PAFAH1B2: variants seen among roughly 807,000 people sequenced by gnomAD.
The protein encoded by PAFAH1B2 is platelet activating factor acetylhydrolase 1b catalytic subunit 2.
PAFAH1B2 carries 8 observed loss-of-function variants against 28.0 expected under a neutral mutation model. The observed-to-expected ratio is 0.29, with a 90% CI of 0.17 to 0.52. The LOEUF (loss-of-function observed/expected upper bound fraction) is 0.52, where lower values mean the gene tolerates loss of function less well. PAFAH1B2 is among the 20% of genes least tolerant of loss of function. PAFAH1B2 has a pLI of 0.97. For synonymous variants in PAFAH1B2, 104 were observed against 103.2 expected, an observed-to-expected ratio of 1.01 and a Z score of -0.05; for missense variants, 190 against 282.6, an observed-to-expected ratio of 0.67 and a Z score of 2.35.
chr11:117,159,900 A>G, intron 2 of PAFAH1B2, 34 bp from the exon 3 acceptor site: 2 of 1,457,114 alleles, frequency 1.4e-6, no homozygotes, highest in Non-Finnish European at 1.9e-6. Context: ...CAGAAGTGCC[A>G]GTTAATAATT....
In PAFAH1B2 at chr11:117,161,407, T is replaced by C. The variant is rs970086796; in HGVS notation, c.288+146T>C. On this transcript the variant is annotated intron_variant, in intron 4 of 5. Coordinates refer to ENST00000527958, the MANE Select transcript of PAFAH1B2 (RefSeq NM_002572.4). ...CTCTTTAAGGTAAATGATACTGTCA[T>C]TGCTTGAGAATATGCCAAAATATAT... is the stretch of plus-strand genomic sequence containing the variant. 3 of 524,730 alleles carry C rather than the reference T, an allele frequency of 5.7e-6. No individual in the cohort carries two copies. The African/African-American group carries it at 6.0e-5, about 10-fold the overall frequency. 32.5% of individuals were successfully genotyped at this position (524,730 alleles called of 1,614,324 possible).
chr11:117,172,384 ATATATATATATATATATATATTTTTTTT>A (rs1956683286), downstream of PAFAH1B2, among the ~76,000 whole-genome samples: 1 of 1,960 alleles, frequency 5.1e-4, no homozygotes, highest in South Asian at 0.017. Flanking sequence ...ATATATATAT[ATATATATATATATATATATATTTTTTTT>A]TTTTTTTTTT....
intron 1 of PAFAH1B2, among the ~76,000 whole-genome samples, chr11:117,150,521 G>T (rs1956125343): frequency 6.6e-6 from 1 of 150,986 alleles, no homozygotes; most frequent in African/African-American, 2.4e-5. Flanking sequence ...TAATTTGTTT[G>T]CATAATTAGT....
intron 1 of PAFAH1B2, among the ~76,000 whole-genome samples, chr11:117,149,354 A>G (rs1233516333): frequency 6.6e-6 from 1 of 151,150 alleles, no homozygotes; most frequent in Non-Finnish European, 1.5e-5. Context: ...AAGTGCTGAG[A>G]TTATAAGTGT....
chr11:117,174,205 T>TGTGTGTGG (rs1491369777), downstream of PAFAH1B2, among the ~76,000 whole-genome samples: 1 of 147,456 alleles, frequency 6.8e-6, no homozygotes, highest in Non-Finnish European at 1.5e-5. Flanking sequence ...TGTGTGTGTG[T>TGTGTGTGG]GGCAGTTTCA....
chr11:117,173,357 A>G (rs1042847273), downstream of PAFAH1B2, among the ~76,000 whole-genome samples: 4 of 152,224 alleles, frequency 2.6e-5, no homozygotes, highest in Admixed American at 6.5e-5. Flanking sequence ...TTTAGACAGT[A>G]GGATGGTGAA....
At chr11:117,150,526 ATTAGTG>A (rs1266784623) in intron 1 of PAFAH1B2, among the ~76,000 whole-genome samples, 3 of 152,028 alleles carry the variant, frequency 2.0e-5, no homozygotes, top group South Asian at 2.1e-4. Context: ...TGTTTGCATA[ATTAGTG>A]TTAGTATTAT....
chr11:117,174,704 C>T (rs1295463668), downstream of PAFAH1B2, among the ~76,000 whole-genome samples: 1 of 152,148 alleles, frequency 6.6e-6, no homozygotes, highest in Non-Finnish European at 1.5e-5. Context: ...GCTCGAATTC[C>T]TGATCTCAGG....
At chr11:117,151,233 CTT>C (rs11449159) in intron 1 of PAFAH1B2, among the ~76,000 whole-genome samples, 5 of 133,954 alleles carry the variant, frequency 3.7e-5, no homozygotes, top group Non-Finnish European at 6.2e-5. Context: ...TTTTCTTTTT[CTT>C]TTTTTTTTTT....
downstream of PAFAH1B2, among the ~76,000 whole-genome samples, chr11:117,173,727 G>T (rs553756596): frequency 6.6e-6 from 1 of 152,298 alleles, no homozygotes; most frequent in Admixed American, 6.5e-5. Flanking sequence ...ATTAAATCCT[G>T]TGTCTTTAAC....
chr11:117,167,565 A>G lies in PAFAH1B2; in HGVS notation c.556A>G (p.Ile186Val), dbSNP rs1956541189. Reference protein sequence around the residue: ...DGGFVHSDGAISCHDMFDFLH... With the variant: ...DGGFVHSDGAVSCHDMFDFLH... ...GGGTTTTGTGCACTCGGACGGTGCC[A>G]TCTCCTGCCACGACATGTTTGATTT... The change falls in exon 6 of 6, where the codon ATC (isoleucine) becomes GTC (valine). Residue 186 changes from isoleucine to valine, a missense_variant. Transcript: ENST00000527958. 3 of 1,612,960 alleles carry G rather than the reference A, an allele frequency of 1.9e-6. No homozygotes were observed. The highest frequency in any genetic ancestry group is 1.3e-5 in the African/African-American group (1 of 75,024).
At chr11:117,172,388 ATATATATATATATATAT>A (rs1956685747), downstream of PAFAH1B2, among the ~76,000 whole-genome samples, 9 of 1,840 alleles carry the variant, frequency 4.9e-3, no homozygotes, top group African/African-American at 0.016. Context: ...ATATATATAT[ATATATATATATATATAT>A]TTTTTTTTTT....
At chr11:117,144,742 C>CACCCCGCCCT (rs1555026668) in intron 1 of PAFAH1B2, among the ~76,000 whole-genome samples, 1 of 143,114 alleles carries the variant, frequency 7.0e-6, no homozygotes, top group African/African-American at 2.5e-5. Flanking sequence ...GCGGGCGCCC[C>CACCCCGCCCT]GCCCCGCCCT....
intron 2 of PAFAH1B2, among the ~76,000 whole-genome samples, chr11:117,154,981 G>A (rs1460342501): frequency 6.6e-6 from 1 of 152,056 alleles, no homozygotes; most frequent in East Asian, 1.9e-4. Context: ...TAATAAAAAG[G>A]TTTTGTTTTG....
intron 5 of PAFAH1B2, among the ~76,000 whole-genome samples, chr11:117,165,571 TG>T (rs1476915421): frequency 6.6e-5 from 10 of 152,150 alleles, no homozygotes; most frequent in African/African-American, 2.4e-4. Context: ...CACAGTCTAG[TG>T]TATGGAGACA....
At position 117,170,804 on chromosome 11, in the gene PAFAH1B2, G is replaced by A. The variant is rs1361953788; in HGVS notation, c.*3105G>A. The A allele has an allele frequency of 2.8e-6, 3 of 1,060,326 alleles. No homozygotes were observed. Among genetic ancestry groups the A allele is most frequent in the East Asian group, 1.0e-4 (2 of 19,532 alleles). The allele number at this position is 1,060,326 out of a possible 1,614,324, so 65.7% of individuals were successfully genotyped here. ...AAAAATATATGGAAATGAGGAGCAT[G>A]TCCAAGCTCCTAAATCCGTGTGGGT... On this transcript the variant is annotated 3_prime_UTR_variant, in exon 6 of 6. Transcript: ENST00000527958.
At position 117,161,174 on chromosome 11, in the gene PAFAH1B2, T is replaced by C; in HGVS notation, c.201T>C (p.His67=). 3.1e-6 allele frequency: 5 copies of C among 1,595,388 alleles called. No homozygotes were observed. The highest frequency in any genetic ancestry group is 2.6e-6 in the Non-Finnish European group (3 of 1,175,844). ...GGCGAGAGCTTTTTTCCCCACTTCA[T>C]GCACTGAATTTTGGAATTGGGGGAG... is the stretch of plus-strand genomic sequence containing the variant. ...EIWRELFSPL[H]ALNFGIGGDT... The change falls in exon 4 of 6, where the codon CAT becomes CAC. Residue 67 remains histidine (H), a synonymous_variant. Transcript: ENST00000527958.
At position 117,145,664 on chromosome 11, in the gene PAFAH1B2, G is replaced by A. The variant is rs562427269; in HGVS notation, c.-8+1246G>A. Among the ~76,000 whole-genome samples, 464 of 152,252 alleles carry A rather than the reference G, an allele frequency of 3.0e-3. 2 individuals carry two copies. The highest frequency in any genetic ancestry group is 0.011 in the African/African-American group (439 of 41,534). On this transcript the variant is annotated intron_variant, in intron 1 of 5. Transcript: ENST00000527958. ...CCGGAGGAACCACCCACCAGCCCACGGAGGCTACCGGGCATTCAGGATAAG... is the reference window on the plus strand; with the variant it reads ...CCGGAGGAACCACCCACCAGCCCACAGAGGCTACCGGGCATTCAGGATAAG...
chr11:117,149,833 G>A (rs2134170590), intron 1 of PAFAH1B2, among the ~76,000 whole-genome samples: 1 of 152,128 alleles, frequency 6.6e-6, no homozygotes, highest in East Asian at 1.9e-4. Context: ...GTAGGTAGTG[G>A]GGTGCATTTC....
Sources: allele counts gnomAD v4.1 joint callset (sites outside exome capture counted in the v4.1 genomes callset), GRCh38; gene constraint gnomAD v4.1.1; transcripts MANE v1.5; gene names NCBI Gene and HGNC (gene_info 2026-07-23, HGNC 2026-07-21).